Variants in TRPC4AP observed in about 807,000 individuals in gnomAD.
The protein encoded by TRPC4AP is transient receptor potential cation channel subfamily C member 4 associated protein.
TRPC4AP carries 45 observed loss-of-function variants against 99.0 expected under a neutral mutation model. That is an observed-to-expected ratio of 0.45 (90% CI 0.36 to 0.58). The LOEUF (loss-of-function observed/expected upper bound fraction) is 0.58, where lower values mean the gene tolerates loss of function less well. TRPC4AP is among the 20% of genes least tolerant of loss of function. The pLI, the probability that TRPC4AP is intolerant of heterozygous loss-of-function variation, is 0.00. For synonymous variants in TRPC4AP, 408 were observed against 385.8 expected (o/e 1.06, Z -0.67); for missense variants, 879 against 985.3 (o/e 0.89, Z 1.44).
At chr20:35,077,514 G>A (rs1243461625) in intron 2 of TRPC4AP, among the ~76,000 whole-genome samples, 2 of 152,094 alleles carry the variant, frequency 1.3e-5, no homozygotes, top group East Asian at 3.9e-4. Flanking sequence ...TTCAGGGGTG[G>A]GGCCCAGAAC....
intron 8 of TRPC4AP, 29 bp downstream of exon 8, chr20:35,035,094 G>C (rs367630083): frequency 6.3e-6 from 10 of 1,580,980 alleles, no homozygotes; most frequent in Middle Eastern, 3.4e-4. Context: ...AAAAGCTCCC[G>C]ATCACTCAGG....
At chr20:35,023,743 G>A (rs2082947764) in intron 8 of TRPC4AP, among the ~76,000 whole-genome samples, 1 of 152,178 alleles carries the variant, frequency 6.6e-6, no homozygotes, top group African/African-American at 2.4e-5. Flanking sequence ...GGCATCCTCG[G>A]CACCCAGCCC....
At chr20:35,009,606 G>A (rs1446831393) in intron 12 of TRPC4AP, among the ~76,000 whole-genome samples, 1 of 152,202 alleles carries the variant, frequency 6.6e-6, no homozygotes, top group African/African-American at 2.4e-5. Context: ...TAACACCACT[G>A]CTCTGCAGCC....
intron 5 of TRPC4AP, among the ~76,000 whole-genome samples, chr20:35,054,689 A>G (rs142134547): frequency 2.0e-4 from 31 of 152,286 alleles, no homozygotes; most frequent in African/African-American, 7.0e-4. Flanking sequence ...GTCTGCCAAC[A>G]CTTGTCACCT....
chr20:35,017,575 G>A (rs1330833141), intron 9 of TRPC4AP, among the ~76,000 whole-genome samples: 1 of 152,168 alleles, frequency 6.6e-6, no homozygotes, highest in East Asian at 1.9e-4. Context: ...CTCGCTTATT[G>A]CTATTTTACA....
intron 13 of TRPC4AP, 69 bp from the exon 14 acceptor site, chr20:35,007,709 G>A: frequency 1.3e-6 from 2 of 1,520,038 alleles, no homozygotes; most frequent in Non-Finnish European, 9.1e-7. Flanking sequence ...TTCTCCAAGG[G>A]GTTGGGAGAT....
At chr20:35,092,572 C>A (rs1051570271) in intron 1 of TRPC4AP, 42 bp downstream of exon 1, 20 of 1,427,756 alleles carry the variant, frequency 1.4e-5, no homozygotes, top group Admixed American at 2.9e-5. Context: ...CCAGCTCCCG[C>A]CTGGTCCGCC....
chr20:35,022,779 G>A (rs1033064077), intron 8 of TRPC4AP, among the ~76,000 whole-genome samples: 3 of 152,176 alleles, frequency 2.0e-5, no homozygotes, highest in Admixed American at 1.3e-4. Context: ...CCAGGACTTT[G>A]GGAGGCCGAG....
chr20:35,052,879 T>C (rs1489730977), intron 5 of TRPC4AP, among the ~76,000 whole-genome samples: 1 of 152,110 alleles, frequency 6.6e-6, no homozygotes, highest in East Asian at 1.9e-4. Flanking sequence ...AAGTCCCCAC[T>C]CCAACACCAG....
rs1478267896 is a variant in TRPC4AP at position 35,005,601 on chromosome 20, CTCAG to C, written c.1936+90_1936+93del. 3 of 1,232,776 alleles carry C rather than the reference CTCAG, an allele frequency of 2.4e-6. No individual in the cohort carries two copies. The African/African-American group carries it at 4.4e-5, about 18-fold the overall frequency. 76.4% of individuals were successfully genotyped at this position (1,232,776 alleles called of 1,614,324 possible). On this transcript the variant is annotated intron_variant, in intron 16 of 18. Transcript: ENST00000252015. Reference sequence around the variant, plus strand: ...CCACGTGGGCATCTGGTGCAGCTCCCTCAGTCATTCTTGTCTCCCTGCTGGAGAC... The same window carrying C: ...CCACGTGGGCATCTGGTGCAGCTCCCTCATTCTTGTCTCCCTGCTGGAGAC...
At chr20:35,016,370 C>T (rs548058349) in intron 9 of TRPC4AP, among the ~76,000 whole-genome samples, 4 of 152,102 alleles carry the variant, frequency 2.6e-5, no homozygotes, top group South Asian at 2.1e-4. Context: ...GCATAATGTC[C>T]GGTAGTTCCT....
chr20:35,007,679 C>G, intron 13 of TRPC4AP, 39 bp from the exon 14 acceptor site: 1 of 1,604,420 alleles, frequency 6.2e-7, no homozygotes. Context: ...TAAGGCTGCC[C>G]TCTTCCGGCC....
At chr20:35,028,201 A>C (rs1461206678) in intron 8 of TRPC4AP, among the ~76,000 whole-genome samples, 1 of 130,292 alleles carries the variant, frequency 7.7e-6, no homozygotes, top group Non-Finnish European at 1.6e-5. Context: ...CATTTGTCTC[A>C]AAATATTTCC....
intron 2 of TRPC4AP, among the ~76,000 whole-genome samples, chr20:35,073,252 T>C (rs968011024): frequency 1.3e-5 from 2 of 152,228 alleles, no homozygotes; most frequent in African/African-American, 2.4e-5. Flanking sequence ...CTTTTCCTAA[T>C]TGAATACCCT....
intron 11 of TRPC4AP, among the ~76,000 whole-genome samples, chr20:35,010,576 C>T (rs528065567): frequency 6.6e-6 from 1 of 151,796 alleles, no homozygotes; most frequent in East Asian, 2.0e-4. Flanking sequence ...TCTTTGCCTA[C>T]ATTTCCACTT....
chr20:35,021,225 G>A lies in TRPC4AP; in HGVS notation c.1183C>T (p.Leu395Phe), dbSNP rs745438185. ...TGACGCCCCATCAGCAGCACGCAGA[G>A]GACATAGAGCACTTCCAGTTTGTAC... ...IMYKLEVLYV[L>F]CVLLMGRQRN... Residue 395 changes from leucine (L) to phenylalanine (F), a missense_variant, in exon 9 of 19, where the codon CTC (leucine) becomes TTC (phenylalanine). Around this residue, in one of 3 missense-constraint regions of TRPC4AP, gnomAD observed 603 missense variants for 631.8 expected, o/e 0.95. Coordinates refer to ENST00000252015, the MANE Select transcript of TRPC4AP (RefSeq NM_015638.3). The A allele has an allele frequency of 1.2e-6, 2 of 1,614,046 alleles. No homozygotes were observed. Among genetic ancestry groups the A allele is most frequent in the Non-Finnish European group, 1.7e-6 (2 of 1,179,964 alleles).
intron 6 of TRPC4AP, among the ~76,000 whole-genome samples, chr20:35,046,833 A>G (rs2083571431): frequency 6.6e-6 from 1 of 152,028 alleles, no homozygotes; most frequent in Non-Finnish European, 1.5e-5. Flanking sequence ...CACCACCCCC[A>G]GCCCACTTCT....
intron 8 of TRPC4AP, among the ~76,000 whole-genome samples, chr20:35,029,267 C>T (rs559934883): frequency 6.6e-6 from 1 of 152,092 alleles, no homozygotes. Context: ...TTTAAAAGTA[C>T]AGCCTCTCCA....
intron 8 of TRPC4AP, among the ~76,000 whole-genome samples, chr20:35,027,971 A>G (rs1046993782): frequency 6.6e-6 from 1 of 152,076 alleles, no homozygotes; most frequent in Non-Finnish European, 1.5e-5. Context: ...CTTTGGTTTT[A>G]CAGATTTTCT....
Sources: gnomAD v4.1 joint callset for allele counts (sites outside exome capture counted in the v4.1 genomes callset) on GRCh38, gnomAD v4.1.1 for gene constraint, gnomAD v4.1.1 regional missense constraint, MANE v1.5 for transcripts, NCBI Gene and HGNC (gene_info 2026-07-23, HGNC 2026-07-21) for gene names.